SYT9: variants seen among roughly 807,000 people sequenced by gnomAD.
The protein encoded by SYT9 is synaptotagmin 9.
Under a neutral mutation model 48.4 loss-of-function variants are expected in SYT9, and 22 were observed. The observed-to-expected ratio is 0.45, with a 90% CI of 0.32 to 0.65. The LOEUF is 0.65. Among genes scored for constraint, SYT9 ranks in the 30% least tolerant of loss-of-function variants. The pLI is 0.03. For missense variants in SYT9, 577 were observed against 622.0 expected (o/e 0.93, Z 0.77); for synonymous variants, 265 against 245.0 (o/e 1.08, Z -0.76).
chr11:7,286,940 G>T (rs538732923), intron 1 of SYT9, among the ~76,000 whole-genome samples: 1 of 152,128 alleles, frequency 6.6e-6, no homozygotes, highest in African/African-American at 2.4e-5. Context: ...GTCTTCTTCT[G>T]AGCCCTCCAA....
rs1247593266 is a variant in SYT9 at position 7,467,450 on chromosome 11, C to T, written c.*650C>T. Reference sequence around the variant, plus strand: ...CTCCCATGCACGTGGTAGAGAGTACCAGTATCAACATGGCCCTGTTTTCTG... The same window carrying T: ...CTCCCATGCACGTGGTAGAGAGTACTAGTATCAACATGGCCCTGTTTTCTG... On this transcript the variant is annotated 3_prime_UTR_variant, in exon 7 of 7. Transcript: ENST00000318881. The T allele has an allele frequency of 1.3e-5, 2 of 152,248 alleles. No homozygotes were observed. Among genetic ancestry groups the T allele is most frequent in the Non-Finnish European group, 2.9e-5 (2 of 68,096 alleles). 9.4% of individuals were successfully genotyped at this position (152,248 alleles called of 1,614,324 possible).
chr11:7,333,300 A>C (rs970881708), intron 3 of SYT9, among the ~76,000 whole-genome samples: 1 of 152,178 alleles, frequency 6.6e-6, no homozygotes, highest in Admixed American at 6.5e-5. Flanking sequence ...CCACACACTC[A>C]GCTATGTGGA....
chr11:7,247,166 T>C (rs968198048), upstream of SYT9, among the ~76,000 whole-genome samples: 1 of 152,176 alleles, frequency 6.6e-6, no homozygotes, highest in East Asian at 1.9e-4. Context: ...TTAAATTCTT[T>C]AGAGATGATT....
At chr11:7,393,474 C>T (rs1016267309) in intron 3 of SYT9, among the ~76,000 whole-genome samples, 2 of 151,978 alleles carry the variant, frequency 1.3e-5, no homozygotes, top group African/African-American at 4.8e-5. Flanking sequence ...AGTGAATTAA[C>T]ATTTTGATGT....
chr11:7,356,427 G>A (rs1850021553), intron 3 of SYT9, among the ~76,000 whole-genome samples: 1 of 152,160 alleles, frequency 6.6e-6, no homozygotes, highest in African/African-American at 2.4e-5. Context: ...CCTGTGCCTG[G>A]CTTGGGGGCT....
chr11:7,352,161 T>G (rs1849929241), intron 3 of SYT9, among the ~76,000 whole-genome samples: 1 of 152,236 alleles, frequency 6.6e-6, no homozygotes, highest in Non-Finnish European at 1.5e-5. Flanking sequence ...TTACCCAGTG[T>G]AGCTCAATCT....
chr11:7,246,064 G>T (rs11599979), intron 1 of SYT9, among the ~76,000 whole-genome samples: 63 of 151,240 alleles, frequency 4.2e-4, no homozygotes, highest in African/African-American at 1.5e-3. Flanking sequence ...TTTTTTTTCA[G>T]TTACCATCTT....
chr11:7,425,508 G>T (rs746037250), intron 6 of SYT9, among the ~76,000 whole-genome samples: 1 of 152,126 alleles, frequency 6.6e-6, no homozygotes, highest in Non-Finnish European at 1.5e-5. Flanking sequence ...CTTGGGTCTT[G>T]TTGAGAACCA....
intron 3 of SYT9, among the ~76,000 whole-genome samples, chr11:7,402,636 TAC>T (rs1324759421): frequency 6.6e-6 from 1 of 152,206 alleles, no homozygotes; most frequent in Non-Finnish European, 1.5e-5. Context: ...TTGAGATTAA[TAC>T]AGTCACTTCA....
rs147025277 is a variant in SYT9 at position 7,450,139 on chromosome 11, G to A, written c.1468-16653G>A. Among the ~76,000 whole-genome samples the A allele has an allele frequency of 9.3e-3, 1,417 of 152,268 alleles. 22 individuals are homozygous for A. The highest frequency in any genetic ancestry group is 0.033 in the African/African-American group (1,376 of 41,538). On this transcript the variant is annotated intron_variant, in intron 6 of 6. Transcript: ENST00000318881. The stretch of plus-strand genomic sequence containing the variant: ...CTCACCCTGTGAAGTAAACAGTTTT[G>A]TCTCCCCAGATAAAAGAAGCTGAGG...
At chr11:7,444,511 TA>T (rs1847893998) in intron 6 of SYT9, 1 of 152,226 alleles carries the variant, frequency 6.6e-6, no homozygotes, top group Admixed American at 6.5e-5. Flanking sequence ...TCATTTTATC[TA>T]CACACTTAAC....
chr11:7,348,688 CTTTTT>C (rs34752256), intron 3 of SYT9, among the ~76,000 whole-genome samples: 34 of 47,112 alleles, frequency 7.2e-4, no homozygotes, highest in South Asian at 1.6e-3. Flanking sequence ...ATCAGACCTC[CTTTTT>C]TTTTTTTTTT....
At chr11:7,379,696 T>G (rs935005782) in intron 3 of SYT9, among the ~76,000 whole-genome samples, 1 of 152,180 alleles carries the variant, frequency 6.6e-6, no homozygotes, top group Non-Finnish European at 1.5e-5. Flanking sequence ...ACTCCTTATG[T>G]AATCCTGACC....
intron 1 of SYT9, among the ~76,000 whole-genome samples, chr11:7,255,967 C>T (rs1040903248): frequency 1.3e-5 from 2 of 152,080 alleles, no homozygotes; most frequent in Admixed American, 6.5e-5. Flanking sequence ...GAAGGTTTTC[C>T]TTGTAGGGAA....
At chr11:7,241,815 A>G (rs1262865448) in intron 1 of SYT9, among the ~76,000 whole-genome samples, 16 of 152,204 alleles carry the variant, frequency 1.1e-4, no homozygotes, top group Non-Finnish European at 8.8e-5. Context: ...AAGACTGTAT[A>G]TCAAATTTGA....
At chr11:7,404,248 G>A (rs1008961048) in intron 3 of SYT9, among the ~76,000 whole-genome samples, 1 of 151,984 alleles carries the variant, frequency 6.6e-6, no homozygotes, top group Admixed American at 6.6e-5. Flanking sequence ...ATTGAATCAG[G>A]CAATTGTTGC....
chr11:7,460,650 A>G (rs1176763893), intron 6 of SYT9, among the ~76,000 whole-genome samples: 1 of 152,218 alleles, frequency 6.6e-6, no homozygotes, highest in Non-Finnish European at 1.5e-5. Flanking sequence ...AATGGTGACT[A>G]TAAATTTAAC....
At chr11:7,390,148 C>T (rs1850735508) in intron 3 of SYT9, among the ~76,000 whole-genome samples, 1 of 152,136 alleles carries the variant, frequency 6.6e-6, no homozygotes. Context: ...CCCCACCTCC[C>T]AACAGGCCCC....
At chr11:7,382,865 C>T (rs1273567690) in intron 3 of SYT9, among the ~76,000 whole-genome samples, 1 of 152,186 alleles carries the variant, frequency 6.6e-6, no homozygotes, top group Admixed American at 6.5e-5. Flanking sequence ...CAGACCCTTC[C>T]CATCCCATGG....
Sources: gnomAD v4.1 joint callset for allele counts (sites outside exome capture counted in the v4.1 genomes callset) on GRCh38, gnomAD v4.1.1 for gene constraint, MANE v1.5 for transcripts, NCBI Gene and HGNC (gene_info 2026-07-23, HGNC 2026-07-21) for gene names.